SLC17A1: variants seen among roughly 807,000 people sequenced by gnomAD.
The protein encoded by SLC17A1 is sodium-dependent phosphate transport protein 1.
A neutral mutation model predicts 53.5 loss-of-function variants in SLC17A1; 51 were observed. The ratio of observed to expected loss-of-function variants is 0.95; its 90% CI spans 0.76 to 1.20. SLC17A1 has a LOEUF of 1.20. Ranked by LOEUF, SLC17A1 falls within the 50% of genes most tolerant of loss-of-function variation. SLC17A1 has a pLI of 0.00. For synonymous variants in SLC17A1, 179 were observed against 198.8 expected (o/e 0.90, Z 0.84); for missense variants, 538 against 568.2 (o/e 0.95, Z 0.54).
the SLC17A1 span, among the ~76,000 whole-genome samples, chr6:25,743,693 G>A: frequency 6.6e-6 from 1 of 151,220 alleles, no homozygotes; most frequent in Non-Finnish European, 1.5e-5. Flanking sequence ...AGGTCTTAAT[G>A]TCATCCACAT....
chr6:25,773,562 TACC>T, the SLC17A1 span: 1 of 1,613,982 alleles, frequency 6.2e-7, no homozygotes, highest in Non-Finnish European at 8.5e-7. Flanking sequence ...ATCAAATCCT[TACC>T]ACTCTGGGCC....
At chr6:25,745,224 A>G in the SLC17A1 span, among the ~76,000 whole-genome samples, 1 of 152,188 alleles carries the variant, frequency 6.6e-6, no homozygotes, top group African/African-American at 2.4e-5. Context: ...GAAAATCAAG[A>G]AAGCAGTTTA....
At chr6:25,726,052 T>A in the SLC17A1 span, 2 of 1,329,448 alleles carry the variant, frequency 1.5e-6, no homozygotes, top group Non-Finnish European at 2.1e-6. Context: ...TACAGCCTTT[T>A]TCTGAGACGG....
At chr6:25,773,175 A>T in the SLC17A1 span, 1 of 886,556 alleles carries the variant, frequency 1.1e-6, no homozygotes, top group Non-Finnish European at 1.9e-6. Context: ...AGAGTGGTGT[A>T]CTGAGGCCAG....
At chr6:25,762,258 A>G in the SLC17A1 span, among the ~76,000 whole-genome samples, 2 of 152,216 alleles carry the variant, frequency 1.3e-5, no homozygotes, top group African/African-American at 4.8e-5. Context: ...TTGAAGGTAT[A>G]TAAGACAGGC....
the SLC17A1 span, among the ~76,000 whole-genome samples, chr6:25,766,207 A>G: frequency 1.3e-5 from 2 of 151,344 alleles, no homozygotes; most frequent in African/African-American, 2.4e-5. Context: ...ATAAATATGA[A>G]TAAAGAAAAA....
the SLC17A1 span, among the ~76,000 whole-genome samples, chr6:25,741,802 G>C: frequency 2.3e-4 from 35 of 152,228 alleles, no homozygotes; most frequent in African/African-American, 8.4e-4. Flanking sequence ...TCGGGTGGCT[G>C]AGGCAGAGAA....
chr6:25,735,238 A>T, the SLC17A1 span, among the ~76,000 whole-genome samples: 1 of 152,244 alleles, frequency 6.6e-6, no homozygotes, highest in Non-Finnish European at 1.5e-5. Flanking sequence ...GCTAAAGGAA[A>T]TGACAATATT....
intron 10 of SLC17A1, among the ~76,000 whole-genome samples, 179 bp from the exon 11 acceptor site, chr6:25,801,159 G>C (rs1315547101): frequency 2.6e-5 from 4 of 152,208 alleles, no homozygotes. Context: ...TGTCACCACA[G>C]AGTCAGAAAG....
At chr6:25,776,958 C>T in the SLC17A1 span, 14 of 1,608,696 alleles carry the variant, frequency 8.7e-6, no homozygotes, top group Middle Eastern at 5.0e-4. Flanking sequence ...TATTGCTCCT[C>T]GGTAGGGACC....
At chr6:25,749,226 T>C in the SLC17A1 span, among the ~76,000 whole-genome samples, 1 of 152,238 alleles carries the variant, frequency 6.6e-6, no homozygotes, top group African/African-American at 2.4e-5. Context: ...GAATAGAGAA[T>C]GGCGATGACT....
At chr6:25,822,362 T>G (rs1764592987) in intron 3 of SLC17A1, among the ~76,000 whole-genome samples, 1 of 152,256 alleles carries the variant, frequency 6.6e-6, no homozygotes, top group African/African-American at 2.4e-5. Flanking sequence ...TTGTAGATAC[T>G]GCACTATGGT....
At chr6:25,808,751 A>G (rs1764045595) in intron 10 of SLC17A1, among the ~76,000 whole-genome samples, 2 of 152,124 alleles carry the variant, frequency 1.3e-5, no homozygotes, top group South Asian at 4.1e-4. Flanking sequence ...TCAAAAACCA[A>G]CAGATGTTGA....
the SLC17A1 span, among the ~76,000 whole-genome samples, chr6:25,759,972 C>T: frequency 1.3e-5 from 2 of 152,266 alleles, no homozygotes; most frequent in Middle Eastern, 3.4e-3. Flanking sequence ...AAGGAATGTC[C>T]TGAAACATAT....
chr6:25,760,773 A>AT, the SLC17A1 span, among the ~76,000 whole-genome samples: 86 of 151,946 alleles, frequency 5.7e-4, 1 homozygote, highest in South Asian at 3.7e-3. Context: ...TTAATGCCTA[A>AT]TTTTTTTTGT....
the SLC17A1 span, chr6:25,726,402 C>T: frequency 3.7e-6 from 6 of 1,614,210 alleles, no homozygotes; most frequent in Middle Eastern, 1.6e-4. Flanking sequence ...CCCCTATCCG[C>T]TCTGCATAGT....
At position 25,811,590 on chromosome 6, in the gene SLC17A1, A is replaced by G. The variant is rs1227786441; in HGVS notation, c.1031-45T>C. The stretch of plus-strand genomic sequence containing the variant: ...ACATAGTCAGGTGCATCCTAAAGAT[A>G]GGGGAGAAGTATCTCCCAAGTGCTT... On this transcript the variant is annotated intron_variant, in intron 9 of 12. Coordinates refer to ENST00000244527, the MANE Select transcript of SLC17A1 (RefSeq NM_005074.5). 5 of 1,613,408 alleles carry G rather than the reference A, an allele frequency of 3.1e-6. No individual in the cohort carries two copies. The African/African-American group carries it at 5.3e-5, about 17-fold the overall frequency.
the SLC17A1 span, among the ~76,000 whole-genome samples, chr6:25,774,012 A>G: frequency 6.6e-6 from 1 of 152,174 alleles, no homozygotes; most frequent in Admixed American, 6.6e-5. Context: ...TGCAAACAAG[A>G]TGCTCTGCTG....
chr6:25,785,260 TAGCTA>T (rs1763357023), intron 12 of SLC17A1, among the ~76,000 whole-genome samples: 1 of 152,146 alleles, frequency 6.6e-6, no homozygotes, highest in South Asian at 2.1e-4. Context: ...GAAGCTGTCT[TAGCTA>T]AGGCTGCTAT....
Sources: gnomAD v4.1 joint callset for allele counts (sites outside exome capture counted in the v4.1 genomes callset) on GRCh38, gnomAD v4.1.1 for gene constraint, MANE v1.5 for transcripts, NCBI Gene and HGNC (gene_info 2026-07-23, HGNC 2026-07-21) for gene names.